The following RBFOX1 variants were observed in gnomAD, a reference collection of about 807,000 sequenced individuals.
RBFOX1 encodes the protein RNA binding protein fox-1 homolog 1.
A neutral mutation model predicts 57.7 loss-of-function variants in RBFOX1; 8 were observed. The ratio of observed to expected loss-of-function variants is 0.14; its 90% CI spans 0.08 to 0.25. RBFOX1 has a LOEUF of 0.25. Among genes scored for constraint, RBFOX1 ranks in the 10% least tolerant of loss-of-function variants. RBFOX1 has a pLI of 1.00. For missense variants in RBFOX1, 611 were observed against 548.5 expected, an observed-to-expected ratio of 1.11 and a Z score of -1.14; for synonymous variants, 326 against 222.4, an observed-to-expected ratio of 1.47 and a Z score of -4.15.
intron 1 of RBFOX1, among the ~76,000 whole-genome samples, chr16:5,425,065 TTATCTATC>T (rs71280727): frequency 0.16 from 11,264 of 68,334 alleles, 691 homozygotes; most frequent in Middle Eastern, 0.21. Context: ...CCTTCCTTTC[TTATCTATC>T]TATCTATCTA....
intron 2 of RBFOX1, among the ~76,000 whole-genome samples, chr16:6,467,041 C>T (rs987200836): frequency 1.8e-4 from 27 of 150,590 alleles, no homozygotes; most frequent in African/African-American, 3.6e-4. Flanking sequence ...ATATTAATTA[C>T]GTGTAATGTA....
chr16:5,248,863 C>A (rs1175402938), intron 1 of RBFOX1, among the ~76,000 whole-genome samples: 1 of 151,872 alleles, frequency 6.6e-6, no homozygotes, highest in Non-Finnish European at 1.5e-5. Flanking sequence ...GTGTGGACAC[C>A]TATAATCCCA....
chr16:5,913,137 C>G (rs2058638263), intron 4 of RBFOX1, among the ~76,000 whole-genome samples: 1 of 152,154 alleles, frequency 6.6e-6, no homozygotes, highest in Non-Finnish European at 1.5e-5. Flanking sequence ...TCTAGAAATT[C>G]AGCTTGTGGG....
At chr16:7,651,264 C>A (rs972455687) in intron 11 of RBFOX1, among the ~76,000 whole-genome samples, 1 of 152,104 alleles carries the variant, frequency 6.6e-6, no homozygotes, top group African/African-American at 2.4e-5. Context: ...TCACTTTGGT[C>A]GGGTTCGGGG....
At position 6,539,788 on chromosome 16, in the gene RBFOX1, G is replaced by T. The variant is rs191118055; in HGVS notation, c.-63-114815G>T. The stretch of plus-strand genomic sequence containing the variant: ...ACTCCAGCCTAGGCGGCAGACTGAG[G>T]CTGCATCTCAAAACACAGACACACA... On this transcript the variant is annotated intron_variant, in intron 2 of 15. Coordinates refer to ENST00000550418, the MANE Select transcript of RBFOX1 (RefSeq NM_018723.4). 6.9e-3 allele frequency among the ~76,000 whole-genome samples: 514 copies of T among 74,184 alleles called. 1 individual carries two copies. The highest frequency in any genetic ancestry group is 0.017 in the African/African-American group (494 of 29,220). The allele number at this position is 74,184 out of a possible 152,430, so 48.7% of individuals were successfully genotyped here.
At chr16:7,707,375 A>C (rs895039154) in intron 14 of RBFOX1, among the ~76,000 whole-genome samples, 1 of 152,132 alleles carries the variant, frequency 6.6e-6, no homozygotes, top group Non-Finnish European at 1.5e-5. Context: ...AACCATGAGA[A>C]AGCTTGGAAG....
chr16:7,405,705 C>A (rs1285934920), intron 4 of RBFOX1, among the ~76,000 whole-genome samples: 1 of 152,182 alleles, frequency 6.6e-6, no homozygotes, highest in Non-Finnish European at 1.5e-5. Context: ...TGTGGTCAGC[C>A]TTCCCTGTTA....
intron 3 of RBFOX1, among the ~76,000 whole-genome samples, chr16:6,836,287 T>C (rs899230093): frequency 5.9e-5 from 9 of 152,204 alleles, no homozygotes; most frequent in Admixed American, 5.9e-4. Context: ...AGCAATGAGA[T>C]AGTTAAGGAT....
In RBFOX1 at chr16:7,182,914, G is replaced by T. The variant is rs567312882; in HGVS notation, c.27+130816G>T. ...CTGTTCACAACAATTACATGCCCTG[G>T]TCATAAATTATCTTATTTTCTTTGT... On this transcript the variant is annotated intron_variant, in intron 4 of 15. Transcript: ENST00000550418. 8.5e-4 allele frequency among the ~76,000 whole-genome samples: 130 copies of T among 152,206 alleles called. 1 individual carries two copies. The highest frequency in any genetic ancestry group is 3.4e-3 in the Middle Eastern group (1 of 294).
intron 2 of RBFOX1, among the ~76,000 whole-genome samples, chr16:6,487,154 G>GTC (rs2095502435): frequency 1.0e-5 from 1 of 97,012 alleles, no homozygotes; most frequent in African/African-American, 3.1e-5. Context: ...CTGTGTGTGT[G>GTC]TGTGTGTGTG....
intron 1 of RBFOX1, among the ~76,000 whole-genome samples, chr16:6,025,390 A>G (rs2095170657): frequency 6.6e-6 from 1 of 152,204 alleles, no homozygotes; most frequent in Non-Finnish European, 1.5e-5. Context: ...CTCATTTTCC[A>G]GTAATGTTCT....
At chr16:6,309,132 C>T (rs2079917390) in intron 1 of RBFOX1, among the ~76,000 whole-genome samples, 1 of 152,074 alleles carries the variant, frequency 6.6e-6, no homozygotes, top group African/African-American at 2.4e-5. Flanking sequence ...AATGGCCTGT[C>T]TTATGTACTC....
chr16:7,704,711 T>A (rs2081887283), intron 14 of RBFOX1, among the ~76,000 whole-genome samples: 1 of 152,128 alleles, frequency 6.6e-6, no homozygotes, highest in African/African-American at 2.4e-5. Context: ...AGAGTTGCTA[T>A]ACAACATGAA....
intron 3 of RBFOX1, among the ~76,000 whole-genome samples, chr16:6,745,751 T>G (rs979434801): frequency 1.3e-5 from 2 of 152,196 alleles, no homozygotes; most frequent in Non-Finnish European, 2.9e-5. Flanking sequence ...GATTTATGCT[T>G]TCACCACTTC....
intron 2 of RBFOX1, among the ~76,000 whole-genome samples, chr16:6,537,105 C>A (rs190289047): frequency 7.9e-5 from 12 of 152,002 alleles, no homozygotes; most frequent in African/African-American, 2.9e-4. Context: ...TTCCAGCGTT[C>A]CATACCAGTG....
chr16:5,893,909 A>T (rs886661289), intron 4 of RBFOX1, among the ~76,000 whole-genome samples: 14 of 152,110 alleles, frequency 9.2e-5, no homozygotes, highest in Non-Finnish European at 1.8e-4. Flanking sequence ...TAGAACAATT[A>T]AAAAAAAGAT....
chr16:5,353,587 A>G (rs865964116), intron 1 of RBFOX1, among the ~76,000 whole-genome samples: 3 of 152,218 alleles, frequency 2.0e-5, no homozygotes, highest in East Asian at 3.9e-4. Context: ...GGAGGACTAC[A>G]TAAGTCCTCC....
intron 9 of RBFOX1, among the ~76,000 whole-genome samples, chr16:7,605,044 TAGAA>T (rs1291167486): frequency 2.6e-5 from 4 of 152,168 alleles, no homozygotes; most frequent in Non-Finnish European, 5.9e-5. Context: ...TGTGAAAAAC[TAGAA>T]AGAAAGAACA....
chr16:6,431,406 G>A (rs538622056), intron 2 of RBFOX1, among the ~76,000 whole-genome samples: 10 of 151,964 alleles, frequency 6.6e-5, no homozygotes, highest in African/African-American at 1.4e-4. Context: ...GAAAAGGAGC[G>A]TTTTGGTGGC....
Sources: allele counts gnomAD v4.1 joint callset (sites outside exome capture counted in the v4.1 genomes callset), GRCh38; gene constraint gnomAD v4.1.1; transcripts MANE v1.5; gene names NCBI Gene and HGNC (gene_info 2026-07-23, HGNC 2026-07-21).